CAMK2A: variants seen among roughly 807,000 people sequenced by gnomAD.
The protein encoded by CAMK2A is calcium/calmodulin-dependent protein kinase type II subunit alpha.
Under a neutral mutation model 79.2 loss-of-function variants are expected in CAMK2A, and 7 were observed. The observed-to-expected ratio is 0.09, with a 90% CI of 0.05 to 0.17. The LOEUF (loss-of-function observed/expected upper bound fraction) is 0.17, where lower values mean the gene tolerates loss of function less well. CAMK2A is among the 10% of genes least tolerant of loss of function. CAMK2A has a pLI of 1.00. For synonymous variants in CAMK2A, 242 were observed against 251.7 expected, an observed-to-expected ratio of 0.96 and a Z score of 0.36; for missense variants, 214 against 646.4, an observed-to-expected ratio of 0.33 and a Z score of 7.25.
At position 150,257,549 on chromosome 5, in the gene CAMK2A, G is replaced by A. The variant is rs758485087; in HGVS notation, c.272+14C>T. 1.2e-5 allele frequency: 19 copies of A among 1,561,724 alleles called. No individual in the cohort carries two copies. Among genetic ancestry groups the A allele is most frequent in the African/African-American group, 8.2e-5 (6 of 73,480 alleles). On this transcript the variant is annotated intron_variant, in intron 4 of 18. Transcript: ENST00000671881. The stretch of plus-strand genomic sequence containing the variant: ...CAACACCGTTGGCGCATCCCAGGGC[G>A]GGGCCAAACTCACAGGTCGAAGATC...
intron 10 of CAMK2A, 127 bp from the exon 11 acceptor site, chr5:150,250,436 C>A: frequency 1.2e-6 from 1 of 861,536 alleles, no homozygotes; most frequent in South Asian, 1.5e-5. Flanking sequence ...CGATTCATTG[C>A]TCTAGGAGAT....
intron 1 of CAMK2A, 122 bp downstream of exon 1, chr5:150,289,442 G>A (rs1757571395): frequency 1.3e-6 from 1 of 779,434 alleles, no homozygotes; most frequent in Non-Finnish European, 2.2e-6. Context: ...CCAAACCCAT[G>A]CAGCCTGCCT....
intron 1 of CAMK2A, among the ~76,000 whole-genome samples, chr5:150,279,261 T>G (rs995043179): frequency 6.6e-6 from 1 of 152,188 alleles, no homozygotes; most frequent in African/African-American, 2.4e-5. Flanking sequence ...TCTAAATAAC[T>G]ATATGTGGCT....
At chr5:150,269,339 G>T (rs908329910) in intron 2 of CAMK2A, among the ~76,000 whole-genome samples, 87 of 152,224 alleles carry the variant, frequency 5.7e-4, no homozygotes, top group African/African-American at 2.0e-3. Flanking sequence ...GGTCCCTGGG[G>T]CCAGACAGTC....
intron 18 of CAMK2A, 41 bp from the exon 19 acceptor site, chr5:150,222,754 T>C (rs1754379381): frequency 1.9e-6 from 3 of 1,613,304 alleles, no homozygotes; most frequent in Non-Finnish European, 2.5e-6. Flanking sequence ...GCATGGTGTT[T>C]CCTGCTTGGG....
rs1756947123 is a variant in CAMK2A, at chr5:150,276,406, T to A, written c.63-3247A>T. On this transcript the variant is annotated intron_variant, in intron 1 of 18. Transcript: ENST00000671881. The stretch of plus-strand genomic sequence containing the variant: ...GAGTGTTACTTGCAGGAGAAGGAGG[T>A]GGATTTCAGCAAGAGTGAGAGAAAC... Among the ~76,000 whole-genome samples, 6 of 151,706 alleles carry A rather than the reference T, an allele frequency of 4.0e-5. No individual in the cohort carries two copies. The South Asian group carries it at 1.3e-3, about 32-fold the overall frequency.
In CAMK2A at chr5:150,253,158, C is replaced by G. The variant is rs143424387; in HGVS notation, c.514+286G>C. Among the ~76,000 whole-genome samples the G allele has an allele frequency of 9.8e-5, 15 of 152,314 alleles. No homozygotes were observed. The East Asian group carries it at 2.7e-3, about 27-fold the overall frequency. ...CCCTAAGGCCTTCAACCACAGGGAG[C>G]CCTTTGGGGAGGAGAGATGGCGGAG... On this transcript the variant is annotated intron_variant, in intron 7 of 18. Coordinates refer to ENST00000671881, the MANE Select transcript of CAMK2A (RefSeq NM_015981.4).
intron 13 of CAMK2A, among the ~76,000 whole-genome samples, chr5:150,243,152 C>T (rs2114049835): frequency 6.6e-6 from 1 of 152,318 alleles, no homozygotes; most frequent in Middle Eastern, 3.4e-3. Flanking sequence ...TTCCCAAGAA[C>T]CAGCCTGATG....
At chr5:150,254,263 T>C (rs1418291877) in intron 6 of CAMK2A, among the ~76,000 whole-genome samples, 2 of 152,222 alleles carry the variant, frequency 1.3e-5, no homozygotes, top group Admixed American at 6.5e-5. Context: ...TCTATGTGCT[T>C]GTTTATCATC....
At chr5:150,251,892 T>C (rs769694887) in intron 8 of CAMK2A, 48 bp from the exon 9 acceptor site, 2 of 1,535,524 alleles carry the variant, frequency 1.3e-6, no homozygotes, top group Non-Finnish European at 1.8e-6. Flanking sequence ...GGAGGAGACA[T>C]GGGGGGAGGG....
At chr5:150,276,232 A>C (rs1159795812) in intron 1 of CAMK2A, among the ~76,000 whole-genome samples, 1 of 152,176 alleles carries the variant, frequency 6.6e-6, no homozygotes. Flanking sequence ...ACAACCCTAC[A>C]TCCCCATCTA....
Position 150,221,610 on chromosome 5 carries a change from T to C in CAMK2A, c.*1100A>G, listed in dbSNP as rs1580889224. 1 of 398,560 alleles carries C rather than the reference T, an allele frequency of 2.5e-6. No individual in the cohort carries two copies. The highest frequency in any genetic ancestry group is 4.4e-5 in the Admixed American group (1 of 22,708). 24.7% of individuals were successfully genotyped at this position (398,560 alleles called of 1,614,324 possible). On this transcript the variant is annotated 3_prime_UTR_variant, in exon 19 of 19. Transcript: ENST00000671881. ...TGCTGTTCCTGAGTCAGTGCTGGCA[T>C]CTGATGCTTCCACAGTCCCAAAAGG...
intron 1 of CAMK2A, among the ~76,000 whole-genome samples, chr5:150,279,688 GT>G (rs1429858030): frequency 3.3e-5 from 5 of 152,220 alleles, no homozygotes; most frequent in Non-Finnish European, 5.9e-5. Context: ...GCTCACCAGG[GT>G]TGAGTAGCCT....
intron 9 of CAMK2A, among the ~76,000 whole-genome samples, chr5:150,251,356 T>C (rs959962614): frequency 4.6e-5 from 7 of 152,214 alleles, no homozygotes; most frequent in African/African-American, 1.7e-4. Context: ...CCTCTCTGTA[T>C]GTCAGCTTCT....
intron 3 of CAMK2A, among the ~76,000 whole-genome samples, chr5:150,261,784 A>T (rs1359400796): frequency 2.0e-5 from 3 of 152,302 alleles, no homozygotes; most frequent in Middle Eastern, 3.4e-3. Context: ...TGGGCAAATG[A>T]CTTAACCTCT....
In CAMK2A at chr5:150,256,033, A is replaced by G. The variant is rs4958448; in HGVS notation, c.411+540T>C. On this transcript the variant is annotated intron_variant, in intron 6 of 18. Coordinates refer to ENST00000671881, the MANE Select transcript of CAMK2A (RefSeq NM_015981.4). This position sits in a 1 kb window ranked among gnomAD's most constrained non-coding sequence, Gnocchi z 4.6. ...CTCTGCAATCTCCTTCAGGTAAAAGAAAGGAGAACTGCACGGGCCTAGAGT... is the reference window on the plus strand; with the variant it reads ...CTCTGCAATCTCCTTCAGGTAAAAGGAAGGAGAACTGCACGGGCCTAGAGT... Among the ~76,000 whole-genome samples the G allele has an allele frequency of 1, 151,994 of 152,316 alleles. 75,837 individuals carry two copies. Among genetic ancestry groups the G allele is most frequent in the Middle Eastern group, 1 (294 of 294 alleles).
chr5:150,287,676 C>T (rs1757480577), intron 1 of CAMK2A, among the ~76,000 whole-genome samples: 1 of 152,174 alleles, frequency 6.6e-6, no homozygotes, highest in Admixed American at 6.5e-5. Flanking sequence ...CAGTCTTGGT[C>T]ACTCCCTGAA....
intron 13 of CAMK2A, among the ~76,000 whole-genome samples, chr5:150,240,744 G>A (rs954316882): frequency 1.3e-5 from 2 of 152,206 alleles, no homozygotes; most frequent in Admixed American, 1.3e-4. Flanking sequence ...CACTAGCAGA[G>A]CTGAGGCTAG....
Position 150,222,226 on chromosome 5 carries a change from T to A in CAMK2A, c.*484A>T, listed in dbSNP as rs1754346311. ...TGGCGTATGCTCTTCTCCCCACTCC[T>A]TCAGTGCGGTTGGCTTAGGGGGAAG... On this transcript the variant is annotated 3_prime_UTR_variant, in exon 19 of 19. Coordinates refer to ENST00000671881, the MANE Select transcript of CAMK2A (RefSeq NM_015981.4). 4.2e-6 allele frequency: 2 copies of A among 481,074 alleles called. No individual in the cohort carries two copies. The highest frequency in any genetic ancestry group is 7.6e-6 in the Non-Finnish European group (2 of 262,526). 29.8% of individuals were successfully genotyped at this position (481,074 alleles called of 1,614,324 possible). A position where few individuals can be genotyped will look rare whatever the true frequency, so the allele number is the denominator to read the frequency against.
Sources: gnomAD v4.1 joint callset for allele counts (sites outside exome capture counted in the v4.1 genomes callset) on GRCh38, gnomAD v4.1.1 for gene constraint, Gnocchi (gnomAD v3.1) non-coding constraint, MANE v1.5 for transcripts, NCBI Gene and HGNC (gene_info 2026-07-23, HGNC 2026-07-21) for gene names.